The following TOMM22 variants were observed in gnomAD, a reference collection of about 807,000 sequenced individuals.
The protein encoded by TOMM22 is mitochondrial import receptor subunit TOM22 homolog.
In TOMM22, 3 loss-of-function variants were observed where a neutral mutation model predicts 17.1. The observed-to-expected ratio is 0.18, with a 90% CI of 0.08 to 0.45. TOMM22 has a LOEUF of 0.45. Among genes scored for constraint, TOMM22 ranks in the 20% least tolerant of loss-of-function variants. The pLI is 0.99. For missense variants in TOMM22, 159 were observed against 179.5 expected (o/e 0.89, Z 0.65); for synonymous variants, 91 against 74.0 (o/e 1.23, Z -1.18).
rs2092489889 is a variant in TOMM22, at chr22:38,684,442, GT to G, written c.*602del. The G allele has an allele frequency of 6.6e-6, 1 of 152,186 alleles. No homozygotes were observed. The highest frequency in any genetic ancestry group is 2.4e-5 in the African/African-American group (1 of 41,408). 9.4% of individuals were successfully genotyped at this position (152,186 alleles called of 1,614,324 possible). A position where few individuals can be genotyped will look rare whatever the true frequency, so the allele number is the denominator to read the frequency against. Reference sequence around the variant, plus strand: ...TGTGTGTTTAAAAAAAGAGAAGTCAGTGCTCACTTTTTGTATTTAAATATTA... The same window carrying G: ...TGTGTGTTTAAAAAAAGAGAAGTCAGGCTCACTTTTTGTATTTAAATATTA... On this transcript the variant is annotated 3_prime_UTR_variant, in exon 4 of 4. Transcript: ENST00000216034.
chr22:38,684,011 T>A lies in TOMM22; in HGVS notation c.*170T>A, dbSNP rs1227882376. 1.7e-6 allele frequency: 1 copy of A among 606,022 alleles called. No homozygotes were observed. The highest frequency in any genetic ancestry group is 1.9e-5 in the African/African-American group (1 of 54,034). The allele number at this position is 606,022 out of a possible 1,614,324, so 37.5% of individuals were successfully genotyped here. On this transcript the variant is annotated 3_prime_UTR_variant, in exon 4 of 4. Transcript: ENST00000216034. ...CTCATGGAAAGACTCAACTTGCAACTGTGCCCTCCACACTATCCTTACTTC... is the reference window on the plus strand; with the variant it reads ...CTCATGGAAAGACTCAACTTGCAACAGTGCCCTCCACACTATCCTTACTTC...
chr22:38,684,166 A>T lies in TOMM22; in HGVS notation c.*325A>T. The T allele has an allele frequency of 6.9e-6, 2 of 289,978 alleles. No homozygotes were observed. Among genetic ancestry groups the T allele is most frequent in the Non-Finnish European group, 1.3e-5 (2 of 152,656 alleles). The allele number at this position is 289,978 out of a possible 1,614,324, so 18.0% of individuals were successfully genotyped here. A position where few individuals can be genotyped will look rare whatever the true frequency, so the allele number is the denominator to read the frequency against. ...CCCTTGTGGGGTAGGAACCGATGCCAGTGGGAGGGATGTGCCCCTGACCAT... is the reference window on the plus strand; with the variant it reads ...CCCTTGTGGGGTAGGAACCGATGCCTGTGGGAGGGATGTGCCCCTGACCAT... On this transcript the variant is annotated 3_prime_UTR_variant, in exon 4 of 4. Coordinates refer to ENST00000216034, the MANE Select transcript of TOMM22 (RefSeq NM_020243.5).
chr22:38,683,104 G>T, intron 3 of TOMM22, 108 bp downstream of exon 3: 3 of 234,798 alleles, frequency 1.3e-5, no homozygotes, highest in Non-Finnish European at 1.4e-5. Flanking sequence ...ATGGAACACA[G>T]TTTTTACATG....
intron 2 of TOMM22, 85 bp from the exon 3 acceptor site, chr22:38,682,794 A>T: frequency 9.1e-7 from 1 of 1,104,808 alleles, no homozygotes; most frequent in African/African-American, 1.5e-5. Flanking sequence ...GGAGTATGTA[A>T]TGTGAGAGGT....
In TOMM22 at chr22:38,682,018, C is replaced by A; in HGVS notation, c.40C>A (p.Gln14Lys). The A allele has an allele frequency of 1.2e-6, 2 of 1,611,332 alleles. No homozygotes were observed. The highest frequency in any genetic ancestry group is 1.7e-6 in the Non-Finnish European group (2 of 1,179,018). ...AVAAAGAGEPQSPDELLPKGD... is the reference protein window; with the variant it reads ...AVAAAGAGEPKSPDELLPKGD... ...CGCTGCTGCCGGTGCAGGGGAACCC[C>A]AGTCCCCGGACGAATTGCTCCCGAA... The change falls in exon 1 of 4, where the codon CAG becomes AAG. Residue 14 changes from glutamine (Q) to lysine (K), a missense_variant. Coordinates refer to ENST00000216034, the MANE Select transcript of TOMM22 (RefSeq NM_020243.5).
At position 38,684,165 on chromosome 22, in the gene TOMM22, C is replaced by CA. The variant is rs1162654720; in HGVS notation, c.*325dup. ...CCCCTTGTGGGGTAGGAACCGATGCCAGTGGGAGGGATGTGCCCCTGACCA... is the reference window on the plus strand; with the variant it reads ...CCCCTTGTGGGGTAGGAACCGATGCCAAGTGGGAGGGATGTGCCCCTGACCA... On this transcript the variant is annotated 3_prime_UTR_variant, in exon 4 of 4. Coordinates refer to ENST00000216034, the MANE Select transcript of TOMM22 (RefSeq NM_020243.5). The CA allele has an allele frequency of 2.2e-5, 7 of 318,532 alleles. No homozygotes were observed. Among genetic ancestry groups the CA allele is most frequent in the Non-Finnish European group, 3.5e-5 (6 of 171,174 alleles). The allele number at this position is 318,532 out of a possible 1,614,324, so 19.7% of individuals were successfully genotyped here. A position where few individuals can be genotyped will look rare whatever the true frequency, so the allele number is the denominator to read the frequency against.
Position 38,684,036 on chromosome 22 carries a change from C to A in TOMM22, c.*195C>A. ...TGTGCCCTCCACACTATCCTTACTT[C>A]TGTCTCCACTCTGATACCAGAGTGC... is the stretch of plus-strand genomic sequence containing the variant. On this transcript the variant is annotated 3_prime_UTR_variant, in exon 4 of 4. Coordinates refer to ENST00000216034, the MANE Select transcript of TOMM22 (RefSeq NM_020243.5). The A allele has an allele frequency of 1.8e-6, 1 of 555,752 alleles. No homozygotes were observed. The highest frequency in any genetic ancestry group is 3.2e-6 in the Non-Finnish European group (1 of 307,972). The allele number at this position is 555,752 out of a possible 1,614,324, so 34.4% of individuals were successfully genotyped here.
At chr22:38,682,154 C>A in intron 1 of TOMM22, 59 bp downstream of exon 1, 1 of 1,528,936 alleles carries the variant, frequency 6.5e-7, no homozygotes, top group Non-Finnish European at 8.9e-7. Flanking sequence ...GTGTGGGATC[C>A]GCGTGGTACG....
At position 38,685,032 on chromosome 22, in the gene TOMM22, T is replaced by G. The variant is rs1369567167; in HGVS notation, c.*1191T>G. 1 of 152,146 alleles carries G rather than the reference T, an allele frequency of 6.6e-6. No individual in the cohort carries two copies. The highest frequency in any genetic ancestry group is 1.5e-5 in the Non-Finnish European group (1 of 68,028). 9.4% of individuals were successfully genotyped at this position (152,146 alleles called of 1,614,324 possible). On this transcript the variant is annotated 3_prime_UTR_variant, in exon 4 of 4. Coordinates refer to ENST00000216034, the MANE Select transcript of TOMM22 (RefSeq NM_020243.5). ...CCTGAGTTCTAGCCATCCACCCGCCTCTGGCCCCTCAAAGTGCTGGGATTA... is the reference window on the plus strand; with the variant it reads ...CCTGAGTTCTAGCCATCCACCCGCCGCTGGCCCCTCAAAGTGCTGGGATTA...
intron 2 of TOMM22, 122 bp from the exon 3 acceptor site, chr22:38,682,757 G>C (rs1006013666): frequency 1.2e-6 from 1 of 836,524 alleles, no homozygotes; most frequent in Admixed American, 1.8e-5. Context: ...TGTAAGGAGC[G>C]GGTAGAATAC....
chr22:38,683,737 A>G (rs558451648), intron 3 of TOMM22, 30 bp from the exon 4 acceptor site: 5 of 1,584,938 alleles, frequency 3.2e-6, no homozygotes, highest in South Asian at 1.1e-5. Context: ...GGCCTGTATG[A>G]TGCCTTACAC....
intron 1 of TOMM22, 84 bp downstream of exon 1, chr22:38,682,179 C>A: frequency 6.6e-7 from 1 of 1,508,114 alleles, no homozygotes; most frequent in Non-Finnish European, 9.0e-7. Context: ...CGGAGCGAAG[C>A]GGCTGCTTTG....
In TOMM22 at chr22:38,682,004, G is replaced by C; in HGVS notation, c.26G>C (p.Gly9Ala). The change falls in exon 1 of 4, where the codon GGT (glycine) becomes GCT (alanine). Residue 9 changes from glycine (G) to alanine (A), a missense_variant. Gly to Ala is a moderately conservative substitution (Grantham distance 60). Around this residue, in one of 3 missense-constraint regions of TOMM22, gnomAD observed 107 missense variants for 100.2 expected, o/e 1.07. Coordinates refer to ENST00000216034, the MANE Select transcript of TOMM22 (RefSeq NM_020243.5). Reference protein sequence around the residue: MAAAVAAAGAGEPQSPDEL... With the variant: MAAAVAAAAAGEPQSPDEL... ...ATGGCTGCCGCCGTCGCTGCTGCCGGTGCAGGGGAACCCCAGTCCCCGGAC... is the reference window on the plus strand; with the variant it reads ...ATGGCTGCCGCCGTCGCTGCTGCCGCTGCAGGGGAACCCCAGTCCCCGGAC... 1.2e-6 allele frequency: 2 copies of C among 1,611,824 alleles called. No individual in the cohort carries two copies. Among genetic ancestry groups the C allele is most frequent in the Non-Finnish European group, 1.7e-6 (2 of 1,179,276 alleles).
intron 3 of TOMM22, 150 bp downstream of exon 3, chr22:38,683,146 G>GGGGGGT: frequency 2.0e-6 from 1 of 501,764 alleles, no homozygotes; most frequent in South Asian, 2.3e-5. Context: ...GGGGGTCGGG[G>GGGGGGT]GGGGGGTTCT....
In TOMM22 at chr22:38,684,200, GTTT is replaced by G. The variant is rs758537384; in HGVS notation, c.*375_*377del. 1.9e-4 allele frequency: 25 copies of G among 131,520 alleles called. No homozygotes were observed. Among genetic ancestry groups the G allele is most frequent in the South Asian group, 1.1e-3 (5 of 4,664 alleles). 8.1% of individuals were successfully genotyped at this position (131,520 alleles called of 1,614,324 possible). A position where few individuals can be genotyped will look rare whatever the true frequency, so the allele number is the denominator to read the frequency against. Reference sequence around the variant, plus strand: ...GATGTGCCCCTGACCATTAACGACTGTTTTTTTTTTTTTTTTTTAAAGAATGGA... The same window carrying G: ...GATGTGCCCCTGACCATTAACGACTGTTTTTTTTTTTTTTTAAAGAATGGA... On this transcript the variant is annotated 3_prime_UTR_variant, in exon 4 of 4. Transcript: ENST00000216034.
At position 38,682,988 on chromosome 22, in the gene TOMM22, C is replaced by T. The variant is rs2092483866; in HGVS notation, c.346C>T (p.Gln116Ter). The stretch of plus-strand genomic sequence containing the variant: ...AATGGAGCAACAGCAGCAACTGCAG[C>T]AGCGGCAGGTGAGCCCAGACCTTGG... ...LQMEQQQQLQ[Q>*]RQILLGPNTG... The change falls in exon 3 of 4, where the codon CAG becomes TAG. Residue 116 changes from glutamine (Q) to a stop codon, truncating the protein, a stop_gained. Coordinates refer to ENST00000216034, the MANE Select transcript of TOMM22 (RefSeq NM_020243.5). LOFTEE classifies it high-confidence loss of function. The T allele has an allele frequency of 6.2e-7, 1 of 1,613,614 alleles. No individual in the cohort carries two copies. The highest frequency in any genetic ancestry group is 8.5e-7 in the Non-Finnish European group (1 of 1,179,694).
At chr22:38,682,826 C>G in intron 2 of TOMM22, 53 bp from the exon 3 acceptor site, 1 of 1,513,868 alleles carries the variant, frequency 6.6e-7, no homozygotes, top group South Asian at 1.1e-5. Flanking sequence ...GTAGTTCTTG[C>G]CTGTTTTGTT....
rs139053534 is a variant in TOMM22, at chr22:38,682,072, C to G, written c.94C>G (p.Leu32Val). Residue 32 changes from leucine (L) to valine (V), a missense_variant, in exon 1 of 4, where the codon CTG (leucine) becomes GTG (valine). Physicochemically the swap from Leu to Val is conservative, Grantham distance 32. Around this residue, in one of 3 missense-constraint regions of TOMM22, gnomAD observed 107 missense variants for 100.2 expected, o/e 1.07. Coordinates refer to ENST00000216034, the MANE Select transcript of TOMM22 (RefSeq NM_020243.5). Reference sequence around the variant, plus strand: ...CGACGCGGAGAAGCCTGAGGAGGAGCTGGAGGAGGACGACGATGAGGAGGT... The same window carrying G: ...CGACGCGGAGAAGCCTGAGGAGGAGGTGGAGGAGGACGACGATGAGGAGGT... ...KGDAEKPEEELEEDDDEELDE... is the reference protein window; with the variant it reads ...KGDAEKPEEEVEEDDDEELDE... The G allele has an allele frequency of 7.5e-6, 12 of 1,591,108 alleles. No individual in the cohort carries two copies. Among genetic ancestry groups the G allele is most frequent in the Non-Finnish European group, 1.0e-5 (12 of 1,169,078 alleles).
intron 3 of TOMM22, 33 bp from the exon 4 acceptor site, chr22:38,683,734 A>G: frequency 6.3e-7 from 1 of 1,576,926 alleles, no homozygotes; most frequent in East Asian, 2.2e-5. Context: ...CTAGGCCTGT[A>G]TGATGCCTTA....
Sources: gnomAD v4.1 joint callset for allele counts on GRCh38, gnomAD v4.1.1 for gene constraint, gnomAD v4.1.1 regional missense constraint, MANE v1.5 for transcripts, NCBI Gene and HGNC (gene_info 2026-07-23, HGNC 2026-07-21) for gene names.